The following VRK2 variants were observed in gnomAD, a reference collection of about 807,000 sequenced individuals.
VRK2 encodes the protein serine/threonine-protein kinase VRK2.
A neutral mutation model predicts 57.6 loss-of-function variants in VRK2; 60 were observed. The ratio of observed to expected loss-of-function variants is 1.04; its 90% CI spans 0.85 to 1.29. VRK2 has a LOEUF of 1.29. Ranked by LOEUF, VRK2 falls within the 50% of genes most tolerant of loss-of-function variation. The pLI, the probability that VRK2 is intolerant of heterozygous loss-of-function variation, is 0.00. For missense variants in VRK2, 705 were observed against 588.1 expected (o/e 1.20, Z -2.06); for synonymous variants, 231 against 199.2 (o/e 1.16, Z -1.35).
At chr2:58,031,999 C>T (rs1162705068) in intron 2 of VRK2, among the ~76,000 whole-genome samples, 1 of 152,128 alleles carries the variant, frequency 6.6e-6, no homozygotes, top group Non-Finnish European at 1.5e-5. Flanking sequence ...AATCATCTCT[C>T]TGGTTGATCT....
At chr2:57,951,642 A>G (rs1020648020) in intron 1 of VRK2, among the ~76,000 whole-genome samples, 4 of 152,220 alleles carry the variant, frequency 2.6e-5, no homozygotes, top group Non-Finnish European at 5.9e-5. Context: ...AATCTTCAGC[A>G]CTATCACTGT....
chr2:57,993,757 A>G (rs1169864672), intron 1 of VRK2, among the ~76,000 whole-genome samples: 14 of 152,242 alleles, frequency 9.2e-5, no homozygotes. Flanking sequence ...CTGAGATCAC[A>G]GAGTTCATCC....
intron 7 of VRK2, among the ~76,000 whole-genome samples, chr2:58,090,746 A>AGG (rs1488793978): frequency 6.6e-6 from 1 of 152,214 alleles, no homozygotes; most frequent in South Asian, 2.1e-4. Flanking sequence ...ATCCACACAA[A>AGG]AACCTGCACG....
At position 57,930,094 on chromosome 2, in the gene VRK2, G is replaced by A. The variant is rs569775585; in HGVS notation, c.-439+22255G>A. Among the ~76,000 whole-genome samples, 11 of 152,266 alleles carry A rather than the reference G, an allele frequency of 7.2e-5. No individual in the cohort carries two copies. The East Asian group carries it at 2.1e-3, about 29-fold the overall frequency. On this transcript the variant is annotated intron_variant, in intron 1 of 15. Transcript: ENST00000417641. The stretch of plus-strand genomic sequence containing the variant: ...GGTGTCTCACTAAGTTGTGGGCCCT[G>A]TAGATCTCCTGGCCCCAAGCCCAGC...
chr2:57,919,942 C>T (rs1372872309), intron 1 of VRK2, among the ~76,000 whole-genome samples: 1 of 152,026 alleles, frequency 6.6e-6, no homozygotes, highest in East Asian at 1.9e-4. Flanking sequence ...ATTCATTCCT[C>T]ATTAATATGC....
upstream of VRK2, among the ~76,000 whole-genome samples, chr2:58,041,929 A>C (rs189814425): frequency 1.5e-3 from 233 of 151,732 alleles, 1 homozygote; most frequent in African/African-American, 4.3e-3. Context: ...CCCCCTTTCA[A>C]GCTGTCGGGC....
intron 7 of VRK2, among the ~76,000 whole-genome samples, chr2:58,104,200 T>C (rs1408727022): frequency 6.6e-6 from 1 of 151,714 alleles, no homozygotes; most frequent in East Asian, 1.9e-4. Context: ...TAGTAGTGGA[T>C]AGCCTAGCTA....
Position 58,159,231 on chromosome 2 carries a change from A to G in VRK2, c.1183-118A>G, listed in dbSNP as rs1464469785. ...TAAAAATTACTTCTCAGGAAAAATA[A>G]CACGCAAAAACTTGATCTTGTATAA... On this transcript the variant is annotated intron_variant, in intron 12 of 12. Transcript: ENST00000340157. 5.4e-6 allele frequency: 4 copies of G among 734,486 alleles called. No homozygotes were observed. In the East Asian group the frequency reaches 1.1e-4, roughly 20 times the overall value. 45.5% of individuals were successfully genotyped at this position (734,486 alleles called of 1,614,324 possible).
chr2:58,132,154 G>C (rs1679299687), intron 9 of VRK2, among the ~76,000 whole-genome samples: 1 of 152,100 alleles, frequency 6.6e-6, no homozygotes, highest in South Asian at 2.1e-4. Flanking sequence ...AAAATATAAA[G>C]TGAAATATCT....
intron 1 of VRK2, among the ~76,000 whole-genome samples, chr2:57,940,163 G>A (rs563051913): frequency 6.6e-6 from 1 of 152,120 alleles, no homozygotes; most frequent in Non-Finnish European, 1.5e-5. Flanking sequence ...TATAATTATG[G>A]AGGCTAAGTC....
chr2:58,022,334 T>C (rs1341827278), intron 1 of VRK2, among the ~76,000 whole-genome samples: 2 of 152,238 alleles, frequency 1.3e-5, no homozygotes, highest in African/African-American at 4.8e-5. Context: ...TGAGTGAGCA[T>C]GGAATGCTAT....
chr2:58,092,020 T>G (rs1672453158), intron 7 of VRK2, among the ~76,000 whole-genome samples: 1 of 152,182 alleles, frequency 6.6e-6, no homozygotes, highest in African/African-American at 2.4e-5. Context: ...TTTTCAAAGA[T>G]TAGGTTTTTT....
intron 10 of VRK2, among the ~76,000 whole-genome samples, chr2:58,137,202 C>CATATATATATCATATATCATATATA (rs1680549626): frequency 1.5e-4 from 4 of 27,354 alleles, no homozygotes; most frequent in African/African-American, 3.4e-4. Flanking sequence ...ACATATATAT[C>CATATATATATCATATATCATATATA]TCATATATGA....
At position 58,159,415 on chromosome 2, in the gene VRK2, C is replaced by A; in HGVS notation, c.1249C>A (p.Pro417Thr). 1 of 1,613,378 alleles carries A rather than the reference C, an allele frequency of 6.2e-7. No homozygotes were observed. The highest frequency in any genetic ancestry group is 1.1e-5 in the South Asian group (1 of 91,018). Residue 417 changes from proline (P) to threonine (T), a missense_variant, in exon 13 of 13, where the codon CCA (proline) becomes ACA (threonine). Coordinates refer to ENST00000340157, the MANE Select transcript of VRK2 (RefSeq NM_006296.7). ...QEPLNEVNSF[P>T]QKISYTQFPN... is the part of the protein sequence containing the mutation. ...ACCTTTGAATGAAGTAAACAGTTTC[C>A]CACAAAAAATCAGCTATACACAATT...
At chr2:57,998,306 A>T (rs1330325258) in intron 1 of VRK2, among the ~76,000 whole-genome samples, 1 of 152,230 alleles carries the variant, frequency 6.6e-6, no homozygotes, top group Non-Finnish European at 1.5e-5. Context: ...ATTCTCTTTA[A>T]AGTATATAAG....
At chr2:57,930,630 C>T (rs1670689333) in intron 1 of VRK2, among the ~76,000 whole-genome samples, 1 of 152,098 alleles carries the variant, frequency 6.6e-6, no homozygotes, top group South Asian at 2.1e-4. Flanking sequence ...CCGTTTTGCT[C>T]CACTTCCAAG....
intron 2 of VRK2, among the ~76,000 whole-genome samples, chr2:58,029,190 A>C (rs1674037927): frequency 6.6e-6 from 1 of 151,858 alleles, no homozygotes; most frequent in African/African-American, 2.4e-5. Context: ...CTGATTAGCT[A>C]TTTTCTATTT....
intron 7 of VRK2, among the ~76,000 whole-genome samples, chr2:58,090,649 G>C (rs928428548): frequency 2.0e-5 from 3 of 152,038 alleles, no homozygotes; most frequent in African/African-American, 7.2e-5. Context: ...AAGACAGTTG[G>C]GCAGTTACTT....
intron 1 of VRK2, among the ~76,000 whole-genome samples, chr2:57,938,173 A>T (rs540885934): frequency 2.6e-5 from 4 of 152,130 alleles, no homozygotes; most frequent in Non-Finnish European, 5.9e-5. Flanking sequence ...TACCAAGTCA[A>T]CTACACTTTA....
Sources: gnomAD v4.1 joint callset for allele counts (sites outside exome capture counted in the v4.1 genomes callset) on GRCh38, gnomAD v4.1.1 for gene constraint, MANE v1.5 for transcripts, NCBI Gene and HGNC (gene_info 2026-07-23, HGNC 2026-07-21) for gene names.